The following ZNF609 variants were observed in gnomAD, a reference collection of about 807,000 sequenced individuals.
ZNF609 encodes zinc finger protein 609.
In ZNF609, 11 loss-of-function variants were observed where a neutral mutation model predicts 109.5. The observed-to-expected ratio is 0.10, with a 90% CI of 0.06 to 0.17. ZNF609 has a LOEUF of 0.17. Ranked by LOEUF, ZNF609 falls within the 10% of genes least tolerant of loss-of-function variation. ZNF609 has a pLI of 1.00. For missense variants in ZNF609, 1,559 were observed against 1,772.4 expected (o/e 0.88, Z 2.16); for synonymous variants, 646 against 662.0 (o/e 0.98, Z 0.37).
At chr15:64,474,848 T>C (rs1893143816) in intron 1 of ZNF609, among the ~76,000 whole-genome samples, 1 of 152,206 alleles carries the variant, frequency 6.6e-6, no homozygotes, top group African/African-American at 2.4e-5. Flanking sequence ...TTCTATAAAA[T>C]CTTCGATGGT....
At chr15:64,514,629 A>G (rs1342758150) in intron 2 of ZNF609, among the ~76,000 whole-genome samples, 1 of 148,424 alleles carries the variant, frequency 6.7e-6, no homozygotes, top group East Asian at 1.9e-4. Context: ...TTTAGATTCT[A>G]TCTAAACTAT....
intron 2 of ZNF609, among the ~76,000 whole-genome samples, chr15:64,618,154 C>A (rs1490534752): frequency 6.6e-6 from 1 of 151,922 alleles, no homozygotes; most frequent in Non-Finnish European, 1.5e-5. Flanking sequence ...GAGACAGGGT[C>A]TTGCTCTGTT....
chr15:64,501,880 C>G (rs542962021), intron 2 of ZNF609: 1 of 152,298 alleles, frequency 6.6e-6, no homozygotes, highest in African/African-American at 2.4e-5. Flanking sequence ...ATGATTGTCT[C>G]TAACAGAGAA....
chr15:64,553,734 G>C (rs1329735086), intron 2 of ZNF609, among the ~76,000 whole-genome samples: 3 of 151,962 alleles, frequency 2.0e-5, no homozygotes, highest in Non-Finnish European at 4.4e-5. Context: ...GAGTAGCTGG[G>C]ACTACAGGCA....
At chr15:64,479,327 T>C (rs1194663601) in intron 1 of ZNF609, among the ~76,000 whole-genome samples, 1 of 111,646 alleles carries the variant, frequency 9.0e-6, no homozygotes, top group African/African-American at 3.5e-5. Flanking sequence ...AGTCTCGCCC[T>C]GTTGCCCAGG....
intron 2 of ZNF609, among the ~76,000 whole-genome samples, chr15:64,533,200 G>A (rs1894087218): frequency 6.6e-6 from 1 of 151,910 alleles, no homozygotes; most frequent in African/African-American, 2.4e-5. Flanking sequence ...ACAAGTGTTT[G>A]CCACCACGCC....
intron 2 of ZNF609, among the ~76,000 whole-genome samples, chr15:64,518,245 C>T (rs1893842856): frequency 6.6e-6 from 1 of 152,134 alleles, no homozygotes; most frequent in Admixed American, 6.5e-5. Context: ...GATCTCTAAC[C>T]TCTCTGATAG....
chr15:64,632,216 G>C (rs1896093124), intron 3 of ZNF609, among the ~76,000 whole-genome samples: 1 of 151,630 alleles, frequency 6.6e-6, no homozygotes, highest in Admixed American at 6.6e-5. Context: ...CCATGCCTGG[G>C]TAGTTAAAAT....
chr15:64,644,503 A>C (rs186764954), intron 3 of ZNF609, among the ~76,000 whole-genome samples: 1 of 152,222 alleles, frequency 6.6e-6, no homozygotes, highest in African/African-American at 2.4e-5. Context: ...AAAAACAAAA[A>C]GAAAAATAAT....
intron 2 of ZNF609, among the ~76,000 whole-genome samples, chr15:64,568,630 A>G (rs1338008103): frequency 1.3e-5 from 2 of 152,218 alleles, no homozygotes; most frequent in Non-Finnish European, 2.9e-5. Flanking sequence ...CTTCAGTAAG[A>G]GTATTCAGTG....
At chr15:64,611,946 AGGC>A (rs1895722341) in intron 2 of ZNF609, among the ~76,000 whole-genome samples, 1 of 151,018 alleles carries the variant, frequency 6.6e-6, no homozygotes, top group Non-Finnish European at 1.5e-5. Context: ...TATGTTGGCC[AGGC>A]TGGTCTTGAA....
At chr15:64,567,817 A>G (rs1894801588) in intron 2 of ZNF609, among the ~76,000 whole-genome samples, 1 of 151,928 alleles carries the variant, frequency 6.6e-6, no homozygotes, top group Admixed American at 6.6e-5. Context: ...ACGTGCCACC[A>G]CACCCGACTA....
intron 2 of ZNF609, among the ~76,000 whole-genome samples, chr15:64,509,398 G>GT (rs1204413335): frequency 1.3e-5 from 2 of 152,206 alleles, no homozygotes; most frequent in African/African-American, 4.8e-5. Flanking sequence ...TAGCATTATA[G>GT]TAAGTAACCA....
At chr15:64,572,723 A>G (rs1484155239) in intron 2 of ZNF609, among the ~76,000 whole-genome samples, 3 of 150,720 alleles carry the variant, frequency 2.0e-5, no homozygotes, top group African/African-American at 7.3e-5. Context: ...AGAAACCACC[A>G]TCTCCACTAA....
intron 2 of ZNF609, among the ~76,000 whole-genome samples, chr15:64,600,461 A>G (rs1364174496): frequency 4.1e-5 from 6 of 146,610 alleles, no homozygotes; most frequent in African/African-American, 4.9e-5. Flanking sequence ...AAAAAAAAAA[A>G]AAAAAGAAAA....
At chr15:64,635,100 A>G (rs1266456506) in intron 3 of ZNF609, among the ~76,000 whole-genome samples, 2 of 152,154 alleles carry the variant, frequency 1.3e-5, no homozygotes, top group East Asian at 3.9e-4. Flanking sequence ...CCAGGGGAGA[A>G]AGAGAGTCTC....
At chr15:64,576,886 A>T (rs1295154483) in intron 2 of ZNF609, among the ~76,000 whole-genome samples, 1 of 142,074 alleles carries the variant, frequency 7.0e-6, no homozygotes, top group Non-Finnish European at 1.5e-5. Context: ...ATATATACAC[A>T]TATAAATATA....
At chr15:64,555,886 C>CAAAAAAAA (rs963732035) in intron 2 of ZNF609, among the ~76,000 whole-genome samples, 11 of 38,922 alleles carry the variant, frequency 2.8e-4, no homozygotes, top group Non-Finnish European at 4.2e-4. Flanking sequence ...GACTCTGTCT[C>CAAAAAAAA]AAAAAAAAAA....
intron 1 of ZNF609, among the ~76,000 whole-genome samples, chr15:64,467,921 C>T (rs569135818): frequency 6.6e-6 from 1 of 152,202 alleles, no homozygotes; most frequent in East Asian, 1.9e-4. Context: ...TCTAACACTT[C>T]TCTTTATGTG....
Sources: allele counts gnomAD v4.1 joint callset (sites outside exome capture counted in the v4.1 genomes callset), GRCh38; gene constraint gnomAD v4.1.1; transcripts MANE v1.5; gene names NCBI Gene and HGNC (gene_info 2026-07-23, HGNC 2026-07-21).